The following ZNF831 variants were observed in gnomAD, a reference collection of about 807,000 sequenced individuals.
ZNF831 encodes the protein zinc finger protein 831, also known as chromosome 20 open reading frame 174.
ZNF831 carries 59 observed loss-of-function variants against 95.8 expected under a neutral mutation model. That is an observed-to-expected ratio of 0.62 (90% CI 0.50 to 0.77). The LOEUF (loss-of-function observed/expected upper bound fraction) is 0.77. Among genes scored for constraint, ZNF831 ranks in the 30% least tolerant of loss-of-function variants. The pLI is 0.00. For missense variants in ZNF831, 2,205 were observed against 2,164.0 expected (o/e 1.02, Z -0.38); for synonymous variants, 961 against 925.5 (o/e 1.04, Z -0.70).
chr20:59,203,326 C>T (rs752446762), intron 3 of ZNF831, among the ~76,000 whole-genome samples: 9 of 152,018 alleles, frequency 5.9e-5, no homozygotes, highest in African/African-American at 1.7e-4. Context: ...TATATTTGAT[C>T]GACAGGGTCT....
chr20:59,232,193 C>T (rs1986762248), intron 4 of ZNF831, among the ~76,000 whole-genome samples: 1 of 152,154 alleles, frequency 6.6e-6, no homozygotes, highest in Non-Finnish European at 1.5e-5. Context: ...AATGTATGGA[C>T]ACCTTTAATC....
At chr20:59,136,973 C>A (rs952994957) in intron 1 of ZNF831, among the ~76,000 whole-genome samples, 4 of 152,200 alleles carry the variant, frequency 2.6e-5, no homozygotes, top group African/African-American at 4.8e-5. Flanking sequence ...CCACCTTCCA[C>A]CCCTTTGTTC....
intron 1 of ZNF831, among the ~76,000 whole-genome samples, chr20:59,179,084 C>G (rs1601341126): frequency 6.6e-6 from 1 of 152,296 alleles, no homozygotes. Context: ...TTGTCCCCAC[C>G]CTGGCACACT....
intron 1 of ZNF831, among the ~76,000 whole-genome samples, chr20:59,172,410 AC>A (rs1348492142): frequency 1.3e-5 from 2 of 152,162 alleles, no homozygotes; most frequent in Admixed American, 1.3e-4. Flanking sequence ...GGTGTCCCCT[AC>A]AGCTCTTCCT....
In ZNF831 at chr20:59,193,745, C is replaced by T. The variant is rs202099898; in HGVS notation, c.2726C>T (p.Ala909Val). The stretch of plus-strand genomic sequence containing the variant: ...GACAAGGCTACCCCACTGCATCCTG[C>T]AGCCCCAGCCCCCGCAGAGCACCCC... The part of the protein sequence containing the change: ...PRDKATPLHP[A>V]APAPAEHPSL... Residue 909 changes from alanine to valine, a missense_variant, in exon 2 of 6, where the codon GCA becomes GTA. Physicochemically the swap from Ala to Val is moderately conservative, Grantham distance 64 (BLOSUM62 0). Coordinates refer to ENST00000371030, the MANE Select transcript of ZNF831 (RefSeq NM_178457.3). 2.6e-5 allele frequency: 42 copies of T among 1,609,158 alleles called. No individual in the cohort carries two copies. The highest frequency in any genetic ancestry group is 3.5e-5 in the Non-Finnish European group (41 of 1,177,586).
intron 2 of ZNF831, among the ~76,000 whole-genome samples, chr20:59,147,628 A>G (rs1979946750): frequency 6.6e-6 from 1 of 152,248 alleles, no homozygotes; most frequent in Non-Finnish European, 1.5e-5. Flanking sequence ...CAGCTCTCCT[A>G]CCACAAGGAA....
chr20:59,148,728 C>CAGAGCGTG (rs1336845318), intron 2 of ZNF831, among the ~76,000 whole-genome samples: 12 of 80,054 alleles, frequency 1.5e-4, no homozygotes, highest in Non-Finnish European at 3.0e-4. Context: ...AAAAAAAGAA[C>CAGAGCGTG]AGAGCGTGAG....
chr20:59,136,351 CT>C (rs1402306823), intron 1 of ZNF831, among the ~76,000 whole-genome samples: 3 of 152,184 alleles, frequency 2.0e-5, no homozygotes, highest in Non-Finnish European at 4.4e-5. Context: ...TTAAAGTGAG[CT>C]AATTTGTAAC....
chr20:59,135,019 C>T (rs1032450680), intron 1 of ZNF831, among the ~76,000 whole-genome samples: 14 of 152,080 alleles, frequency 9.2e-5, no homozygotes, highest in African/African-American at 3.1e-4. Flanking sequence ...GGTTCCTCTA[C>T]ACCAGCTACC....
At chr20:59,197,883 C>T (rs764972619) in intron 3 of ZNF831, among the ~76,000 whole-genome samples, 3 of 151,524 alleles carry the variant, frequency 2.0e-5, no homozygotes, top group South Asian at 4.3e-4. Flanking sequence ...CAAGGGACAT[C>T]GGCTAGTGGT....
At chr20:59,231,920 C>A (rs547080440) in intron 4 of ZNF831, among the ~76,000 whole-genome samples, 1 of 152,324 alleles carries the variant, frequency 6.6e-6, no homozygotes, top group Non-Finnish European at 1.5e-5. Flanking sequence ...AGTAAAAACA[C>A]CTTGCTGTGA....
At chr20:59,238,867 T>A (rs531982425) in intron 4 of ZNF831, among the ~76,000 whole-genome samples, 43 of 152,260 alleles carry the variant, frequency 2.8e-4, no homozygotes, top group Non-Finnish European at 5.6e-4. Context: ...ATAAGTTTCA[T>A]AATCACGAAG....
At chr20:59,130,085 A>G (rs1027861628) in intron 1 of ZNF831, among the ~76,000 whole-genome samples, 4 of 152,198 alleles carry the variant, frequency 2.6e-5, no homozygotes, top group Non-Finnish European at 5.9e-5. Flanking sequence ...TAAGATGGGC[A>G]TAAGAACAGT....
intron 1 of ZNF831, among the ~76,000 whole-genome samples, chr20:59,136,648 C>T (rs543847899): frequency 2.2e-4 from 34 of 152,342 alleles, no homozygotes; most frequent in African/African-American, 8.2e-4. Context: ...GAGCTTTCAT[C>T]CTGATATTTG....
At chr20:59,188,213 G>A (rs758566688) in intron 1 of ZNF831, among the ~76,000 whole-genome samples, 5 of 152,160 alleles carry the variant, frequency 3.3e-5, no homozygotes, top group African/African-American at 4.8e-5. Context: ...ACTTTTTGAG[G>A]AACTACCCAG....
chr20:59,253,863 C>CT lies in ZNF831; in HGVS notation c.4189-35_4189-34insT. On this transcript the variant is annotated intron_variant, in intron 5 of 5. Transcript: ENST00000371030. ...TTTTCTTTGTACCAATTAACCTCCC[C>CT]CCCCACTTTTTTTTTCCTTTGCACT... is the stretch of plus-strand genomic sequence containing the variant. 10 of 1,096,158 alleles carry CT rather than the reference C, an allele frequency of 9.1e-6. 2 individuals carry two copies. Among genetic ancestry groups the CT allele is most frequent in the South Asian group, 3.4e-5 (2 of 58,080 alleles). 67.9% of individuals were successfully genotyped at this position (1,096,158 alleles called of 1,614,324 possible).
chr20:59,162,417 G>C (rs1179634201), upstream of ZNF831, among the ~76,000 whole-genome samples: 2 of 151,976 alleles, frequency 1.3e-5, no homozygotes, highest in Non-Finnish European at 2.9e-5. Flanking sequence ...ATTCATTTTG[G>C]GTTAATTTTT....
chr20:59,143,586 C>T (rs560298278), intron 1 of ZNF831, among the ~76,000 whole-genome samples: 10 of 152,288 alleles, frequency 6.6e-5, no homozygotes, highest in South Asian at 2.1e-4. Flanking sequence ...ACTTCTCTGC[C>T]GTGGAAGAAA....
At chr20:59,179,834 TA>T (rs1196965214) in intron 1 of ZNF831, among the ~76,000 whole-genome samples, 14 of 152,286 alleles carry the variant, frequency 9.2e-5, no homozygotes, top group Non-Finnish European at 8.8e-5. Flanking sequence ...TCGCAGGTAG[TA>T]GGGGCAGGAC....
Sources: allele counts gnomAD v4.1 joint callset (sites outside exome capture counted in the v4.1 genomes callset), GRCh38; gene constraint gnomAD v4.1.1; transcripts MANE v1.5; gene names NCBI Gene and HGNC (gene_info 2026-07-23, HGNC 2026-07-21).